ATG16L1: variants seen among roughly 807,000 people sequenced by gnomAD.
ATG16L1 encodes the protein autophagy related 16 like 1.
Under a neutral mutation model 88.5 loss-of-function variants are expected in ATG16L1, and 37 were observed. The observed-to-expected ratio is 0.42, with a 90% CI of 0.32 to 0.55. ATG16L1 has a LOEUF of 0.55. Among genes scored for constraint, ATG16L1 ranks in the 20% least tolerant of loss-of-function variants. The probability of loss-of-function intolerance (pLI) is 0.13; values close to 1 mark genes in which losing one functional copy is unlikely to be tolerated. For synonymous variants in ATG16L1, 301 were observed against 281.0 expected, an observed-to-expected ratio of 1.07 and a Z score of -0.71; for missense variants, 554 against 752.8, an observed-to-expected ratio of 0.74 and a Z score of 3.09.
chr2:233,259,367 T>A (rs1697039483), intron 2 of ATG16L1, among the ~76,000 whole-genome samples: 1 of 152,172 alleles, frequency 6.6e-6, no homozygotes, highest in Non-Finnish European at 1.5e-5. Flanking sequence ...AGATCACCTC[T>A]TGGGCATTCA....
intron 8 of ATG16L1, 193 bp downstream of exon 8, chr2:233,273,970 ATC>A: frequency 6.4e-7 from 1 of 1,550,914 alleles, no homozygotes; most frequent in Non-Finnish European, 8.7e-7. Flanking sequence ...CTGCGTGCTG[ATC>A]TCTGGCCTTT....
chr2:233,274,600 G>T, intron 8 of ATG16L1, 76 bp from the exon 9 acceptor site: 1 of 1,137,410 alleles, frequency 8.8e-7, no homozygotes, highest in Non-Finnish European at 1.3e-6. Context: ...GGTCGTCTTG[G>T]AGTCCTTTCT....
chr2:233,255,508 T>C (rs1409307076), intron 1 of ATG16L1, among the ~76,000 whole-genome samples: 3 of 152,222 alleles, frequency 2.0e-5, no homozygotes, highest in Non-Finnish European at 4.4e-5. Flanking sequence ...TTTTATAATC[T>C]TTTATTTAAT....
At chr2:233,275,856 T>C (rs934671997) in intron 9 of ATG16L1, 1 of 519,068 alleles carries the variant, frequency 1.9e-6, no homozygotes, top group African/African-American at 1.9e-5. Context: ...ATGGAGCAGC[T>C]GATAATTTGG....
In ATG16L1 at chr2:233,294,319, G is replaced by T; in HGVS notation, c.1793G>T (p.Gly598Val). 1 of 1,613,738 alleles carries T rather than the reference G, an allele frequency of 6.2e-7. No homozygotes were observed. The highest frequency in any genetic ancestry group is 8.5e-7 in the Non-Finnish European group (1 of 1,179,926). ...SGSHVVSVDK[G>V]CKAVLWAQY ...TCGCACGTTGTCAGTGTGGACAAAG[G>T]ATGCAAAGCTGTGCTGTGGGCACAG... The change falls in exon 18 of 18, where the codon GGA (glycine) becomes GTA (valine). Residue 598 changes from glycine to valine, a missense_variant. Transcript: ENST00000392017.
chr2:233,267,987 G>A (rs1273115345), intron 5 of ATG16L1, among the ~76,000 whole-genome samples: 15 of 152,104 alleles, frequency 9.9e-5, no homozygotes, highest in Admixed American at 5.2e-4. Context: ...GCCTTCCTGC[G>A]TCATTACCCA....
chr2:233,288,644 CAT>C (rs759095368), intron 12 of ATG16L1: 1 of 423,758 alleles, frequency 2.4e-6, no homozygotes, highest in African/African-American at 2.0e-5. Flanking sequence ...GTGTTTTACA[CAT>C]AGAAAAATGT....
At chr2:233,292,661 C>T (rs1699541859) in intron 16 of ATG16L1, among the ~76,000 whole-genome samples, 1 of 152,162 alleles carries the variant, frequency 6.6e-6, no homozygotes, top group African/African-American at 2.4e-5. Flanking sequence ...TAACAGTTGG[C>T]TGGTTGCTTT....
chr2:233,277,851 C>T (rs2125260962), intron 10 of ATG16L1, among the ~76,000 whole-genome samples, 178 bp downstream of exon 10: 1 of 152,300 alleles, frequency 6.6e-6, no homozygotes, highest in African/African-American at 2.4e-5. Flanking sequence ...TCATACATCT[C>T]AGTTATTCTT....
intron 1 of ATG16L1, among the ~76,000 whole-genome samples, chr2:233,254,921 A>ATCTTGTGCCACATCTGAT: frequency 6.6e-6 from 1 of 151,992 alleles, no homozygotes; most frequent in African/African-American, 2.4e-5. Flanking sequence ...ATCTGATCTT[A>ATCTTGTGCCACATCTGAT]CTGGTGCCTG....
intron 16 of ATG16L1, among the ~76,000 whole-genome samples, chr2:233,292,674 T>C (rs1319988556): frequency 3.3e-5 from 5 of 152,252 alleles, no homozygotes; most frequent in Non-Finnish European, 7.3e-5. Context: ...GTTGCTTTGT[T>C]GTGGGTGAGC....
intron 12 of ATG16L1, among the ~76,000 whole-genome samples, chr2:233,289,414 G>A (rs896619292): frequency 2.2e-5 from 1 of 46,014 alleles, no homozygotes; most frequent in Non-Finnish European, 5.3e-5. Flanking sequence ...TGTGTGACAG[G>A]ATCTTGCTAT....
At chr2:233,282,534 A>G in intron 11 of ATG16L1, 148 bp from the exon 12 acceptor site, 1 of 687,044 alleles carries the variant, frequency 1.5e-6, no homozygotes, top group Non-Finnish European at 2.6e-6. Flanking sequence ...GTTGAAGCAC[A>G]CTCACGACAG....
chr2:233,267,407 G>A (rs1051065747), intron 5 of ATG16L1, among the ~76,000 whole-genome samples: 1 of 152,082 alleles, frequency 6.6e-6, no homozygotes, highest in East Asian at 1.9e-4. Context: ...TAATATAACC[G>A]AAAATAGGAC....
chr2:233,271,073 G>T (rs1161342647), intron 6 of ATG16L1, among the ~76,000 whole-genome samples: 1 of 152,136 alleles, frequency 6.6e-6, no homozygotes, highest in Admixed American at 6.5e-5. Flanking sequence ...AATCTCAGTT[G>T]TATTTTCCCA....
Position 233,292,177 on chromosome 2 carries a change from C to A in ATG16L1, c.1480C>A (p.Leu494Met). The A allele has an allele frequency of 6.2e-6, 10 of 1,614,210 alleles. No homozygotes were observed. The highest frequency in any genetic ancestry group is 8.5e-6 in the Non-Finnish European group (10 of 1,180,032). The change falls in exon 15 of 18, where the codon CTG becomes ATG. Residue 494 changes from leucine (L) to methionine (M), a missense_variant. Transcript: ENST00000392017. Reference sequence around the variant, plus strand: ...GGAGCTGTTGGGAAAGATTACTGCCCTGGACTTAAACCCAGAAAGGACTGA... The same window carrying A: ...GGAGCTGTTGGGAAAGATTACTGCCATGGACTTAAACCCAGAAAGGACTGA... ...EMELLGKITALDLNPERTELL... is the reference protein window; with the variant it reads ...EMELLGKITAMDLNPERTELL...
intron 6 of ATG16L1, among the ~76,000 whole-genome samples, chr2:233,272,639 T>A (rs949120356): frequency 6.6e-6 from 1 of 152,216 alleles, no homozygotes; most frequent in African/African-American, 2.4e-5. Flanking sequence ...AATGCCCTAC[T>A]TTGGCACTGG....
In ATG16L1 at chr2:233,263,983, A is replaced by G. The variant is rs1043647287; in HGVS notation, c.316-9A>G. On this transcript the variant is annotated splice_polypyrimidine_tract_variant and intron_variant, in intron 3 of 17. Coordinates refer to ENST00000392017, the MANE Select transcript of ATG16L1 (RefSeq NM_030803.7). ...TTTATTTATGAAAGTATTCTTCTTT[A>G]TCTCCCAGTTAGCTCAACTGGTGAT... 6.2e-7 allele frequency: 1 copy of G among 1,613,570 alleles called. No homozygotes were observed. Among genetic ancestry groups the G allele is most frequent in the Non-Finnish European group, 8.5e-7 (1 of 1,179,616 alleles).
chr2:233,259,034 C>G (rs752681222), intron 2 of ATG16L1, among the ~76,000 whole-genome samples: 1 of 151,990 alleles, frequency 6.6e-6, no homozygotes, highest in Non-Finnish European at 1.5e-5. Flanking sequence ...TGTTATAAAC[C>G]AGGTTCATTC....
Sources: allele counts gnomAD v4.1 joint callset (sites outside exome capture counted in the v4.1 genomes callset), GRCh38; gene constraint gnomAD v4.1.1; transcripts MANE v1.5; gene names NCBI Gene and HGNC (gene_info 2026-07-23, HGNC 2026-07-21).